Variants in STXBP4 observed in about 807,000 individuals in gnomAD.
The protein encoded by STXBP4 is syntaxin binding protein 4.
A neutral mutation model predicts 76.1 loss-of-function variants in STXBP4; 55 were observed. The ratio of observed to expected loss-of-function variants is 0.72; its 90% CI spans 0.58 to 0.91. The LOEUF (loss-of-function observed/expected upper bound fraction) is 0.91, where lower values mean the gene tolerates loss of function less well. Ranked by LOEUF, STXBP4 falls within the 40% of genes least tolerant of loss-of-function variation. The probability of loss-of-function intolerance (pLI) is 0.00; values close to 1 mark genes in which losing one functional copy is unlikely to be tolerated. For missense variants in STXBP4, 618 were observed against 636.9 expected, an observed-to-expected ratio of 0.97 and a Z score of 0.32; for synonymous variants, 201 against 220.2, an observed-to-expected ratio of 0.91 and a Z score of 0.77.
the STXBP4 span, among the ~76,000 whole-genome samples, chr17:55,195,277 T>G: frequency 6.6e-6 from 1 of 152,084 alleles, no homozygotes; most frequent in East Asian, 1.9e-4. Context: ...CCAGTTCACC[T>G]TCATCCAGAG....
In STXBP4 at chr17:55,031,180, C is replaced by G; in HGVS notation, c.679C>G (p.Leu227Val). 2 of 1,612,908 alleles carry G rather than the reference C, an allele frequency of 1.2e-6. No homozygotes were observed. Among genetic ancestry groups the G allele is most frequent in the Non-Finnish European group, 1.7e-6 (2 of 1,179,176 alleles). Residue 227 changes from leucine (L) to valine (V), a missense_variant, in exon 9 of 18, where the codon CTT (leucine) becomes GTT (valine). Transcript: ENST00000376352. ...AEKLEMALNY[L>V]GIQPTKEQHQ... is the part of the protein sequence containing the mutation. ...CTTTATCTTCCAGGCTCTAAATTAT[C>G]TTGGTATTCAGCCCACAAAGGAACA...
At chr17:54,971,193 A>G (rs746005750) in intron 1 of STXBP4, among the ~76,000 whole-genome samples, 5 of 152,238 alleles carry the variant, frequency 3.3e-5, no homozygotes, top group African/African-American at 4.8e-5. Flanking sequence ...TATTACAAGA[A>G]CACTTTCTCC....
chr17:55,127,297 T>A (rs1181307642), intron 16 of STXBP4, among the ~76,000 whole-genome samples: 1 of 152,186 alleles, frequency 6.6e-6, no homozygotes, highest in East Asian at 1.9e-4. Flanking sequence ...TGCGTAATGT[T>A]GAGTGGTATT....
At chr17:55,119,778 TTAA>T (rs66476175) in intron 16 of STXBP4, among the ~76,000 whole-genome samples, 46,303 of 151,512 alleles carry the variant, frequency 0.31, 7,323 homozygotes, top group African/African-American at 0.36. Flanking sequence ...CCAAAATGTA[TTAA>T]TAAGTTATCA....
At chr17:55,125,163 G>C (rs961908501) in intron 16 of STXBP4, among the ~76,000 whole-genome samples, 57 of 152,184 alleles carry the variant, frequency 3.7e-4, no homozygotes, top group African/African-American at 1.3e-3. Context: ...GTGAAAGAAA[G>C]GTCTGAGTGC....
At chr17:55,044,163 C>T (rs1309763676) in intron 11 of STXBP4, 1 of 152,002 alleles carries the variant, frequency 6.6e-6, no homozygotes, top group Non-Finnish European at 1.5e-5. Context: ...GGCCTTGATT[C>T]TCTTTATGTG....
At chr17:54,980,948 T>C (rs2077543028) in intron 1 of STXBP4, among the ~76,000 whole-genome samples, 1 of 152,102 alleles carries the variant, frequency 6.6e-6, no homozygotes, top group South Asian at 2.1e-4. Flanking sequence ...TTTTTTTTGT[T>C]GTTGTTGATG....
intron 16 of STXBP4, 38 bp downstream of exon 16, chr17:55,081,221 T>C: frequency 7.3e-7 from 1 of 1,363,800 alleles, no homozygotes. Context: ...TAAAAGTAAT[T>C]TATTTAACAA....
rs747863538 is a variant in STXBP4, at chr17:54,986,127, C to T, written c.-78-15C>T. On this transcript the variant is annotated splice_polypyrimidine_tract_variant and intron_variant, in intron 2 of 17. Transcript: ENST00000376352. ...CTAAGACCTGACAATTTATTTTCTA[C>T]TTCTTCAATCCTAGGAAAAGAAGAA... 1.8e-6 allele frequency: 2 copies of T among 1,093,982 alleles called. No individual in the cohort carries two copies. The highest frequency in any genetic ancestry group is 2.7e-6 in the Non-Finnish European group (2 of 732,890). 67.8% of individuals were successfully genotyped at this position (1,093,982 alleles called of 1,614,324 possible).
At chr17:55,081,226 T>G (rs1283092312) in intron 16 of STXBP4, 43 bp downstream of exon 16, 1 of 1,351,270 alleles carries the variant, frequency 7.4e-7, no homozygotes, top group African/African-American at 1.5e-5. Flanking sequence ...GTAATTTATT[T>G]AACAAAACAA....
the STXBP4 span, among the ~76,000 whole-genome samples, chr17:55,205,362 G>T: frequency 7.2e-5 from 11 of 152,190 alleles, no homozygotes; most frequent in African/African-American, 2.4e-4. Context: ...AAGATCTAAA[G>T]ATTCAAACAA....
chr17:55,112,505 A>C (rs2079732364), intron 16 of STXBP4, among the ~76,000 whole-genome samples: 1 of 152,172 alleles, frequency 6.6e-6, no homozygotes. Context: ...ACAATGATGA[A>C]GAGTAAAAAT....
At chr17:55,212,937 A>G in the STXBP4 span, among the ~76,000 whole-genome samples, 1 of 152,160 alleles carries the variant, frequency 6.6e-6, no homozygotes, top group Non-Finnish European at 1.5e-5. Flanking sequence ...GAGGACACGC[A>G]TGAACCCTAA....
the STXBP4 span, among the ~76,000 whole-genome samples, chr17:55,182,659 C>T: frequency 1.3e-5 from 2 of 151,954 alleles, no homozygotes; most frequent in East Asian, 3.9e-4. Flanking sequence ...CATCTAGACA[C>T]ATCATAGTAA....
intron 16 of STXBP4, among the ~76,000 whole-genome samples, chr17:55,127,105 A>G (rs1201499394): frequency 6.6e-6 from 1 of 152,188 alleles, no homozygotes; most frequent in Non-Finnish European, 1.5e-5. Flanking sequence ...GAATATTTCC[A>G]TCACCTCACA....
At chr17:55,073,128 A>C (rs770099365) in intron 13 of STXBP4, 52 bp downstream of exon 13, 2 of 1,552,942 alleles carry the variant, frequency 1.3e-6, no homozygotes, top group Non-Finnish European at 1.8e-6. Flanking sequence ...TGCCGTTGTC[A>C]TGTATCCTGT....
intron 8 of STXBP4, among the ~76,000 whole-genome samples, chr17:55,018,954 C>T (rs1020272575): frequency 2.0e-5 from 3 of 152,200 alleles, no homozygotes; most frequent in African/African-American, 7.2e-5. Flanking sequence ...GCTCAGAGCC[C>T]TGACAAGGTG....
chr17:55,047,131 G>T lies in STXBP4; in HGVS notation c.988G>T (p.Glu330Ter). The change falls in exon 12 of 18, where the codon GAA becomes TAA. Residue 330 changes from glutamate to a stop codon, truncating the protein, a stop_gained. Transcript: ENST00000376352. LOFTEE classifies it high-confidence loss of function. ...ESDKQRKQLT[E>*]ELQNVKQEAK... The stretch of plus-strand genomic sequence containing the variant: ...AGATAAGCAAAGGAAACAATTGACA[G>T]AAGAGCTCCAGAATGTGAAACAAGT... The T allele has an allele frequency of 2.5e-6, 4 of 1,607,692 alleles. No individual in the cohort carries two copies. The highest frequency in any genetic ancestry group is 2.6e-6 in the Non-Finnish European group (3 of 1,175,436).
chr17:55,082,918 CA>C (rs1352685391), intron 16 of STXBP4, among the ~76,000 whole-genome samples: 1 of 151,966 alleles, frequency 6.6e-6, no homozygotes, highest in Non-Finnish European at 1.5e-5. Context: ...TAAAGAGAAT[CA>C]ATGACACATT....
Sources: gnomAD v4.1 joint callset for allele counts (sites outside exome capture counted in the v4.1 genomes callset) on GRCh38, gnomAD v4.1.1 for gene constraint, MANE v1.5 for transcripts, NCBI Gene and HGNC (gene_info 2026-07-23, HGNC 2026-07-21) for gene names.